The following PID1 variants were observed in gnomAD, a reference collection of about 807,000 sequenced individuals.
PID1 encodes phosphotyrosine interaction domain containing 1.
A neutral mutation model predicts 19.1 loss-of-function variants in PID1; 10 were observed. That is an observed-to-expected ratio of 0.52 (90% CI 0.32 to 0.89). The LOEUF (loss-of-function observed/expected upper bound fraction) is 0.89. Among genes scored for constraint, PID1 ranks in the 40% least tolerant of loss-of-function variants. The pLI is 0.03. For synonymous variants in PID1, 130 were observed against 116.0 expected, an observed-to-expected ratio of 1.12 and a Z score of -0.78; for missense variants, 248 against 285.3, an observed-to-expected ratio of 0.87 and a Z score of 0.94.
chr2:229,076,551 A>AC (rs1694562089), intron 2 of PID1, among the ~76,000 whole-genome samples: 1 of 149,414 alleles, frequency 6.7e-6, no homozygotes, highest in Non-Finnish European at 1.5e-5. Flanking sequence ...ATTGCCTCCC[A>AC]CCCCCCAACA....
At chr2:229,072,738 T>C (rs1389238090) in intron 2 of PID1, among the ~76,000 whole-genome samples, 4 of 152,242 alleles carry the variant, frequency 2.6e-5, no homozygotes, top group African/African-American at 9.6e-5. Flanking sequence ...TTCGCTGTTT[T>C]CAAAGCCAAG....
At chr2:229,035,452 C>A (rs972464609) in intron 2 of PID1, among the ~76,000 whole-genome samples, 12 of 151,942 alleles carry the variant, frequency 7.9e-5, no homozygotes, top group African/African-American at 2.9e-4. Context: ...CCCTCTCCAC[C>A]CCCCTCCTTC....
chr2:229,259,265 C>T (rs940948595), intron 1 of PID1, among the ~76,000 whole-genome samples: 2 of 152,104 alleles, frequency 1.3e-5, no homozygotes, highest in African/African-American at 2.4e-5. Context: ...AGATCTAAAT[C>T]CTTTAATATA....
At chr2:229,237,022 ACACT>A (rs1689717145) in intron 1 of PID1, among the ~76,000 whole-genome samples, 1 of 148,538 alleles carries the variant, frequency 6.7e-6, no homozygotes, top group South Asian at 2.1e-4. Context: ...ACACACACAC[ACACT>A]GACTTCTAAT....
At chr2:229,267,205 T>A (rs765659367) in intron 1 of PID1, among the ~76,000 whole-genome samples, 95 of 152,210 alleles carry the variant, frequency 6.2e-4, no homozygotes, top group Non-Finnish European at 9.3e-4. Flanking sequence ...GAAAGCTTTT[T>A]CAGGATCTGG....
intron 1 of PID1, among the ~76,000 whole-genome samples, chr2:229,209,461 CTA>C (rs1321494277): frequency 6.6e-6 from 1 of 152,170 alleles, no homozygotes; most frequent in Non-Finnish European, 1.5e-5. Context: ...CCTCCTCATG[CTA>C]TCTTTCCACT....
At chr2:229,058,844 GA>G (rs1694156231) in intron 2 of PID1, among the ~76,000 whole-genome samples, 1 of 151,278 alleles carries the variant, frequency 6.6e-6, no homozygotes, top group South Asian at 2.1e-4. Flanking sequence ...TGCTTACAGA[GA>G]AAAAAAGCTC....
chr2:229,269,558 G>C (rs530115849), intron 1 of PID1, among the ~76,000 whole-genome samples: 8 of 152,328 alleles, frequency 5.3e-5, no homozygotes, highest in African/African-American at 1.2e-4. Context: ...CTCTGCACTT[G>C]AACAGGAAAC....
chr2:229,213,420 T>C (rs1189420637), intron 1 of PID1, among the ~76,000 whole-genome samples: 2 of 152,214 alleles, frequency 1.3e-5, no homozygotes, highest in African/African-American at 4.8e-5. Context: ...AGGTTGGCTT[T>C]TTCCAATTAG....
At chr2:229,177,409 C>T (rs1292463805) in intron 1 of PID1, among the ~76,000 whole-genome samples, 2 of 152,138 alleles carry the variant, frequency 1.3e-5, no homozygotes, top group South Asian at 2.1e-4. Flanking sequence ...TCAAAGTTAG[C>T]CATAATTGTT....
intron 2 of PID1, among the ~76,000 whole-genome samples, chr2:229,034,769 A>G (rs1693627000): frequency 6.6e-6 from 1 of 152,080 alleles, no homozygotes. Flanking sequence ...ATATATATAT[A>G]TATGTATAAG....
intron 2 of PID1, among the ~76,000 whole-genome samples, chr2:229,155,612 CGT>C (rs1690353579): frequency 6.6e-6 from 1 of 151,770 alleles, no homozygotes. Context: ...GTCTTTAATG[CGT>C]GTCCAAAAGT....
At chr2:229,204,769 T>C (rs767308575) in intron 1 of PID1, among the ~76,000 whole-genome samples, 1 of 152,094 alleles carries the variant, frequency 6.6e-6, no homozygotes, top group Non-Finnish European at 1.5e-5. Context: ...AAAGATCAAG[T>C]GAATGAATCA....
At chr2:229,151,949 G>A (rs1041980226) in intron 2 of PID1, among the ~76,000 whole-genome samples, 2 of 152,164 alleles carry the variant, frequency 1.3e-5, no homozygotes, top group African/African-American at 4.8e-5. Context: ...GGCCCTGCAA[G>A]TCTCAATGAA....
At chr2:229,142,846 G>T (rs1690044045) in intron 2 of PID1, among the ~76,000 whole-genome samples, 1 of 151,790 alleles carries the variant, frequency 6.6e-6, no homozygotes. Context: ...CCATTACTGG[G>T]TATATACCCA....
At chr2:229,183,625 T>C (rs1690993794) in intron 1 of PID1, among the ~76,000 whole-genome samples, 1 of 152,204 alleles carries the variant, frequency 6.6e-6, no homozygotes, top group African/African-American at 2.4e-5. Flanking sequence ...GGTACATCAG[T>C]CTTTTGCTGA....
chr2:229,194,705 C>T (rs532616460), intron 1 of PID1, among the ~76,000 whole-genome samples: 2 of 151,952 alleles, frequency 1.3e-5, no homozygotes, highest in South Asian at 4.1e-4. Flanking sequence ...GAATGCAATA[C>T]ATATCGGTTA....
At chr2:229,194,873 C>A (rs1474735316) in intron 1 of PID1, among the ~76,000 whole-genome samples, 5 of 151,642 alleles carry the variant, frequency 3.3e-5, no homozygotes, top group Non-Finnish European at 2.9e-5. Context: ...TAGATATATA[C>A]CCATACACAC....
At chr2:229,075,940 G>A (rs935336833) in intron 2 of PID1, among the ~76,000 whole-genome samples, 23 of 152,188 alleles carry the variant, frequency 1.5e-4, no homozygotes, top group African/African-American at 5.1e-4. Flanking sequence ...CCTTACTACT[G>A]CTTCTACTCA....
Sources: allele counts gnomAD v4.1 joint callset (sites outside exome capture counted in the v4.1 genomes callset), GRCh38; gene constraint gnomAD v4.1.1; transcripts MANE v1.5; gene names NCBI Gene and HGNC (gene_info 2026-07-23, HGNC 2026-07-21).